The following GALNT13 variants were observed in gnomAD, a reference collection of about 807,000 sequenced individuals.
GALNT13 encodes the protein polypeptide N-acetylgalactosaminyltransferase 13, also known as UDP-GalNAc:polypeptide N-acetylgalactosaminyltransferase 13.
A neutral mutation model predicts 64.2 loss-of-function variants in GALNT13; 28 were observed. The ratio of observed to expected loss-of-function variants is 0.44; its 90% CI spans 0.32 to 0.60. The LOEUF (loss-of-function observed/expected upper bound fraction) is 0.60, where lower values mean the gene tolerates loss of function less well. Among genes scored for constraint, GALNT13 ranks in the 20% least tolerant of loss-of-function variants. The probability of loss-of-function intolerance (pLI) is 0.05; values close to 1 mark genes in which losing one functional copy is unlikely to be tolerated. For synonymous variants in GALNT13, 214 were observed against 224.6 expected (o/e 0.95, Z 0.42); for missense variants, 577 against 669.8 (o/e 0.86, Z 1.53).
chr2:154,314,565 C>A (rs1301862256), intron 9 of GALNT13, among the ~76,000 whole-genome samples: 1 of 152,128 alleles, frequency 6.6e-6, no homozygotes, highest in Non-Finnish European at 1.5e-5. Flanking sequence ...ATCTGCCTGG[C>A]TTCTGATAAG....
At chr2:154,069,879 G>C (rs1700655224) in intron 3 of GALNT13, among the ~76,000 whole-genome samples, 1 of 152,062 alleles carries the variant, frequency 6.6e-6, no homozygotes, top group Admixed American at 6.6e-5. Flanking sequence ...TTGTCCCCAA[G>C]TAACTAGCAC....
intron 9 of GALNT13, among the ~76,000 whole-genome samples, chr2:154,368,387 C>A (rs1697492145): frequency 6.6e-6 from 1 of 152,088 alleles, no homozygotes; most frequent in Non-Finnish European, 1.5e-5. Context: ...TGTGACTGAC[C>A]AGATGCAGGC....
the GALNT13 span, among the ~76,000 whole-genome samples, chr2:153,152,800 G>A: frequency 7.2e-5 from 11 of 152,076 alleles, no homozygotes; most frequent in African/African-American, 2.2e-4. Context: ...TCTTTATCCA[G>A]TCTATCACTG....
At chr2:154,236,104 G>T (rs1258019759) in intron 4 of GALNT13, 1 of 1,158,264 alleles carries the variant, frequency 8.6e-7, no homozygotes, top group Non-Finnish European at 1.1e-6. Context: ...GATTGTAAAA[G>T]AAGTGGAGAA....
intron 3 of GALNT13, among the ~76,000 whole-genome samples, chr2:154,023,846 C>G (rs1465056578): frequency 3.2e-4 from 49 of 152,176 alleles, no homozygotes; most frequent in Non-Finnish European, 3.8e-4. Context: ...TTGTTCCTTT[C>G]CATGTTTAGT....
chr2:153,325,190 T>C, the GALNT13 span, among the ~76,000 whole-genome samples: 1 of 143,546 alleles, frequency 7.0e-6, no homozygotes, highest in Non-Finnish European at 1.5e-5. Flanking sequence ...GTTATTGCTC[T>C]ATTAAGGGAT....
intron 4 of GALNT13, among the ~76,000 whole-genome samples, chr2:154,231,363 G>A (rs1168496680): frequency 6.6e-6 from 1 of 152,044 alleles, no homozygotes. Flanking sequence ...ATGATTTAAA[G>A]ACATGGGGGC....
the GALNT13 span, among the ~76,000 whole-genome samples, chr2:153,176,373 A>G: frequency 0.11 from 17,011 of 152,212 alleles, 1,147 homozygotes; most frequent in Non-Finnish European, 0.15. Flanking sequence ...GAGACAATAA[A>G]GGCAGATCCA....
At chr2:154,363,711 G>A (rs1239359062) in intron 9 of GALNT13, among the ~76,000 whole-genome samples, 1 of 152,150 alleles carries the variant, frequency 6.6e-6, no homozygotes, top group Non-Finnish European at 1.5e-5. Flanking sequence ...GATAAAGACT[G>A]GAGTTAAATA....
the GALNT13 span, among the ~76,000 whole-genome samples, chr2:153,563,563 C>T: frequency 3.9e-5 from 6 of 152,018 alleles, no homozygotes; most frequent in Admixed American, 1.3e-4. Context: ...TTTCACTACT[C>T]GAGAGCTTCC....
intron 2 of GALNT13, among the ~76,000 whole-genome samples, chr2:153,933,461 C>T (rs1335359397): frequency 6.6e-6 from 1 of 152,120 alleles, no homozygotes; most frequent in African/African-American, 2.4e-5. Context: ...GGTATCATTG[C>T]ATGTGAGATG....
At chr2:153,984,965 G>C (rs1694698524) in intron 3 of GALNT13, among the ~76,000 whole-genome samples, 1 of 151,754 alleles carries the variant, frequency 6.6e-6, no homozygotes, top group African/African-American at 2.4e-5. Context: ...CGAATGACTA[G>C]GGGGTCAAAT....
the GALNT13 span, among the ~76,000 whole-genome samples, chr2:153,714,786 C>T: frequency 8.5e-5 from 13 of 152,240 alleles, no homozygotes; most frequent in African/African-American, 3.1e-4. Context: ...TTATGTCATT[C>T]TAATAATTAG....
At chr2:154,400,944 A>G (rs799752) in intron 10 of GALNT13, among the ~76,000 whole-genome samples, 1 of 151,806 alleles carries the variant, frequency 6.6e-6, no homozygotes, top group South Asian at 2.1e-4. Flanking sequence ...AAAAAAATAC[A>G]TTGTGAACTA....
chr2:153,550,513 T>C, the GALNT13 span, among the ~76,000 whole-genome samples: 3 of 152,086 alleles, frequency 2.0e-5, no homozygotes, highest in Non-Finnish European at 4.4e-5. Context: ...GATTATAGAC[T>C]AGAGCCACCG....
chr2:153,204,067 A>T, the GALNT13 span, among the ~76,000 whole-genome samples: 5 of 152,228 alleles, frequency 3.3e-5, no homozygotes, highest in Admixed American at 1.3e-4. Flanking sequence ...AAACTTGTTA[A>T]CCAATCACAC....
the GALNT13 span, among the ~76,000 whole-genome samples, chr2:153,461,918 G>C: frequency 1.2e-3 from 177 of 152,210 alleles, no homozygotes; most frequent in African/African-American, 4.0e-3. Context: ...GAACTGCTCT[G>C]ATATTATGAG....
the GALNT13 span, among the ~76,000 whole-genome samples, chr2:153,407,249 T>G: frequency 1.3e-5 from 2 of 152,188 alleles, no homozygotes; most frequent in East Asian, 3.8e-4. Flanking sequence ...ATTTGTGTTT[T>G]AATAAGAGTT....
chr2:153,676,337 A>G, the GALNT13 span, among the ~76,000 whole-genome samples: 1 of 152,116 alleles, frequency 6.6e-6, no homozygotes, highest in African/African-American at 2.4e-5. Flanking sequence ...CCCTGAGCAG[A>G]CCAATAATGA....
Sources: gnomAD v4.1 joint callset for allele counts (sites outside exome capture counted in the v4.1 genomes callset) on GRCh38, gnomAD v4.1.1 for gene constraint, MANE v1.5 for transcripts, NCBI Gene and HGNC (gene_info 2026-07-23, HGNC 2026-07-21) for gene names.